Variants in SETD5 observed in about 807,000 individuals in gnomAD.
SETD5 encodes the protein SET domain containing 5.
SETD5 carries 44 observed loss-of-function variants against 153.3 expected under a neutral mutation model. The observed-to-expected ratio is 0.29, with a 90% CI of 0.23 to 0.37. The LOEUF is 0.37. Ranked by LOEUF, SETD5 falls within the 10% of genes least tolerant of loss-of-function variation. The pLI is 1.00. For synonymous variants in SETD5, 716 were observed against 645.2 expected, an observed-to-expected ratio of 1.11 and a Z score of -1.66; for missense variants, 1,544 against 1,768.0, an observed-to-expected ratio of 0.87 and a Z score of 2.27.
chr3:9,458,432 C>G (rs993772476), intron 17 of SETD5, among the ~76,000 whole-genome samples: 3 of 152,022 alleles, frequency 2.0e-5, no homozygotes, highest in African/African-American at 7.3e-5. Flanking sequence ...GCCTGGGCAG[C>G]AGAGAGAGAC....
rs2596939 is a variant in SETD5, at chr3:9,425,036, A to G, written c.-117+510A>G. 4.3e-3 allele frequency among the ~76,000 whole-genome samples: 616 copies of G among 144,368 alleles called. 2 individuals are homozygous for G. Among genetic ancestry groups the G allele is most frequent in the Middle Eastern group, 7.2e-3 (2 of 278 alleles). 94.7% of individuals were successfully genotyped at this position (144,368 alleles called of 152,430 possible). On this transcript the variant is annotated intron_variant, in intron 2 of 22. Transcript: ENST00000402198. ...AATAATTTTTATGAAATAGAAATTT[A>G]TAGTTACCGACAATGTTTCTTTTTT... is the stretch of plus-strand genomic sequence containing the variant.
intron 17 of SETD5, among the ~76,000 whole-genome samples, chr3:9,464,192 A>T (rs1473230367): frequency 1.3e-5 from 2 of 152,196 alleles, no homozygotes; most frequent in South Asian, 2.1e-4. Context: ...TAAATTAGAG[A>T]TCAGTCACAT....
intron 17 of SETD5, among the ~76,000 whole-genome samples, chr3:9,464,184 A>C (rs148421416): frequency 1.3e-5 from 2 of 152,340 alleles, no homozygotes; most frequent in Non-Finnish European, 2.9e-5. Context: ...GTAGAAATTA[A>C]ATTAGAGATC....
chr3:9,455,886 G>A (rs560747665), intron 17 of SETD5, among the ~76,000 whole-genome samples: 1 of 152,238 alleles, frequency 6.6e-6, no homozygotes, highest in Admixed American at 6.5e-5. Flanking sequence ...TTATTGTTGA[G>A]CTTCTGCCCT....
chr3:9,462,586 CAAAAAAA>C (rs111829236), intron 17 of SETD5, among the ~76,000 whole-genome samples: 3 of 81,732 alleles, frequency 3.7e-5, no homozygotes, highest in African/African-American at 1.5e-4. Flanking sequence ...GAGTCCGTCT[CAAAAAAA>C]AAAAAAAAGA....
chr3:9,423,580 C>A (rs1559377900), intron 1 of SETD5, among the ~76,000 whole-genome samples: 1 of 151,722 alleles, frequency 6.6e-6, no homozygotes, highest in Non-Finnish European at 1.5e-5. Context: ...TTCTTCCTTC[C>A]TTTTACTGTT....
intron 16 of SETD5, among the ~76,000 whole-genome samples, chr3:9,450,558 C>T (rs2042500597): frequency 6.6e-6 from 1 of 152,046 alleles, no homozygotes; most frequent in Admixed American, 6.5e-5. Context: ...AAGAAGAGTT[C>T]TTCTTCTAAT....
intron 1 of SETD5, among the ~76,000 whole-genome samples, chr3:9,411,340 A>T (rs1321623478): frequency 1.3e-5 from 2 of 152,202 alleles, no homozygotes; most frequent in Non-Finnish European, 2.9e-5. Context: ...AATCCAAGTT[A>T]TTTGATTTTA....
chr3:9,474,671 G>C (rs1323261278), intron 21 of SETD5, 89 bp downstream of exon 21: 2 of 1,529,812 alleles, frequency 1.3e-6, no homozygotes, highest in Non-Finnish European at 1.8e-6. Flanking sequence ...GTTGAGGTGA[G>C]TCAGTTTCTG....
chr3:9,402,236 T>G (rs973420694), intron 1 of SETD5, among the ~76,000 whole-genome samples: 2 of 152,168 alleles, frequency 1.3e-5, no homozygotes, highest in Non-Finnish European at 2.9e-5. Flanking sequence ...AGCATTACAT[T>G]GGAGAGAATT....
chr3:9,403,454 A>G (rs1002314543), intron 1 of SETD5, among the ~76,000 whole-genome samples: 3 of 152,204 alleles, frequency 2.0e-5, no homozygotes, highest in Non-Finnish European at 4.4e-5. Flanking sequence ...GGACCTGAAC[A>G]TGTAGAATAA....
In SETD5 at chr3:9,476,581, T is replaced by C. The variant is rs2045866213; in HGVS notation, c.*490T>C. 1 of 154,668 alleles carries C rather than the reference T, an allele frequency of 6.5e-6. No individual in the cohort carries two copies. Among genetic ancestry groups the C allele is most frequent in the Admixed American group, 6.4e-5 (1 of 15,700 alleles). The allele number at this position is 154,668 out of a possible 1,614,324, so 9.6% of individuals were successfully genotyped here. ...TTAAGAAAAAAGGTAGGTATGTAAATGTTCATCCTAAGACAACCATTCCAA... is the reference window on the plus strand; with the variant it reads ...TTAAGAAAAAAGGTAGGTATGTAAACGTTCATCCTAAGACAACCATTCCAA... On this transcript the variant is annotated 3_prime_UTR_variant, in exon 23 of 23. Coordinates refer to ENST00000402198, the MANE Select transcript of SETD5 (RefSeq NM_001080517.3).
intron 18 of SETD5, chr3:9,464,994 A>G (rs2044386368): frequency 2.8e-6 from 1 of 351,910 alleles, no homozygotes. Context: ...TTTGGTCAAA[A>G]TAGGCCTCTA....
chr3:9,459,529 G>A (rs976454737), intron 17 of SETD5, among the ~76,000 whole-genome samples: 5 of 151,798 alleles, frequency 3.3e-5, no homozygotes, highest in African/African-American at 1.2e-4. Context: ...CCAGCACTTT[G>A]GGAGGCCGAG....
chr3:9,443,651 G>A lies in SETD5; in HGVS notation c.1187+234G>A, dbSNP rs571659148. Among the ~76,000 whole-genome samples, 5 of 152,192 alleles carry A rather than the reference G, an allele frequency of 3.3e-5. No homozygotes were observed. In the South Asian group the frequency reaches 6.2e-4, roughly 19 times the overall value. On this transcript the variant is annotated intron_variant, in intron 11 of 22. Coordinates refer to ENST00000402198, the MANE Select transcript of SETD5 (RefSeq NM_001080517.3). ...CAAATTTCCTGACAGAAGTGTTTTC[G>A]CTTATGCCTTTTTAGCAAGAATAGC...
chr3:9,422,240 G>A (rs1381675978), intron 1 of SETD5, among the ~76,000 whole-genome samples: 1 of 152,138 alleles, frequency 6.6e-6, no homozygotes, highest in African/African-American at 2.4e-5. Context: ...AAGTAATATT[G>A]TTGCCCTGCA....
intron 11 of SETD5, 88 bp from the exon 12 acceptor site, chr3:9,444,960 T>C: frequency 2.0e-6 from 3 of 1,491,338 alleles, no homozygotes; most frequent in South Asian, 2.6e-5. Flanking sequence ...AGGAAGTTAC[T>C]GTACTGATAT....
At chr3:9,472,104 CAA>C (rs1294497773) in intron 19 of SETD5, among the ~76,000 whole-genome samples, 1 of 152,110 alleles carries the variant, frequency 6.6e-6, no homozygotes, top group Non-Finnish European at 1.5e-5. Flanking sequence ...CTACCAGAAA[CAA>C]ACATGAAAAC....
chr3:9,405,301 A>G (rs1388376583), intron 1 of SETD5, among the ~76,000 whole-genome samples: 2 of 152,196 alleles, frequency 1.3e-5, no homozygotes, highest in Non-Finnish European at 2.9e-5. Context: ...TAATATCTGC[A>G]ATTTGTTTTG....
Sources: gnomAD v4.1 joint callset for allele counts (sites outside exome capture counted in the v4.1 genomes callset) on GRCh38, gnomAD v4.1.1 for gene constraint, MANE v1.5 for transcripts, NCBI Gene and HGNC (gene_info 2026-07-23, HGNC 2026-07-21) for gene names.